Variants in CACNA2D3 observed in about 807,000 individuals in gnomAD.
The protein encoded by CACNA2D3 is voltage-dependent calcium channel subunit alpha-2/delta-3.
CACNA2D3 carries 60 observed loss-of-function variants against 160.6 expected under a neutral mutation model. The observed-to-expected ratio is 0.37, with a 90% confidence interval of 0.30 to 0.46. The LOEUF (loss-of-function observed/expected upper bound fraction) is 0.46, where lower values mean the gene tolerates loss of function less well. Ranked by LOEUF, CACNA2D3 falls within the 20% of genes least tolerant of loss-of-function variation. The probability of loss-of-function intolerance (pLI) is 1.00; values close to 1 mark genes in which losing one functional copy is unlikely to be tolerated. For synonymous variants in CACNA2D3, 558 were observed against 492.9 expected (o/e 1.13, Z -1.75); for missense variants, 1,205 against 1,365.0 (o/e 0.88, Z 1.85).
intron 24 of CACNA2D3, among the ~76,000 whole-genome samples, chr3:54,889,039 G>A (rs1699995334): frequency 6.6e-6 from 1 of 152,192 alleles, no homozygotes; most frequent in Non-Finnish European, 1.5e-5. Flanking sequence ...TTCAAGGTTT[G>A]GGCAGCATTC....
chr3:54,643,826 G>C (rs1699577786), intron 11 of CACNA2D3, among the ~76,000 whole-genome samples: 1 of 152,204 alleles, frequency 6.6e-6, no homozygotes. Context: ...TGCTAAGAGG[G>C]AGGCTCCAGT....
chr3:55,039,660 G>A (rs887597727), intron 35 of CACNA2D3, among the ~76,000 whole-genome samples: 24 of 152,118 alleles, frequency 1.6e-4, no homozygotes, highest in Admixed American at 5.9e-4. Flanking sequence ...GATATTACAG[G>A]CTTATTTTGT....
chr3:54,927,768 G>A, intron 27 of CACNA2D3: 1 of 930,948 alleles, frequency 1.1e-6, no homozygotes. Flanking sequence ...ATCATTCCAT[G>A]CAGAGACATT....
At chr3:54,997,023 G>C (rs1194767253) in intron 31 of CACNA2D3, among the ~76,000 whole-genome samples, 1 of 148,358 alleles carries the variant, frequency 6.7e-6, no homozygotes, top group Non-Finnish European at 1.5e-5. Context: ...GGCCTGTCAG[G>C]GGGTGGAGGA....
chr3:54,757,988 C>T (rs1311708395), intron 12 of CACNA2D3, among the ~76,000 whole-genome samples: 2 of 152,176 alleles, frequency 1.3e-5, no homozygotes, highest in African/African-American at 4.8e-5. Context: ...TTGAGGTAAT[C>T]TAGGAAAAGA....
chr3:54,553,364 G>A (rs1273275986), intron 5 of CACNA2D3, among the ~76,000 whole-genome samples: 1 of 152,190 alleles, frequency 6.6e-6, no homozygotes, highest in Non-Finnish European at 1.5e-5. Flanking sequence ...TTCTCGTCTT[G>A]AATTTGGTCC....
chr3:55,041,924 G>A (rs573155833), intron 35 of CACNA2D3, among the ~76,000 whole-genome samples: 45 of 152,090 alleles, frequency 3.0e-4, no homozygotes, highest in Admixed American at 2.9e-3. Flanking sequence ...ATTTAGAAGT[G>A]TGCCGCTTAA....
At chr3:54,286,361 A>G (rs1703026756) in intron 2 of CACNA2D3, among the ~76,000 whole-genome samples, 1 of 152,228 alleles carries the variant, frequency 6.6e-6, no homozygotes, top group African/African-American at 2.4e-5. Flanking sequence ...AAATGAAGTG[A>G]GAAGGGAAGT....
chr3:54,541,508 T>C (rs1237129143), intron 5 of CACNA2D3, among the ~76,000 whole-genome samples: 1 of 152,104 alleles, frequency 6.6e-6, no homozygotes, highest in Non-Finnish European at 1.5e-5. Flanking sequence ...ATGACTTTAC[T>C]CCAGGCTTCT....
Position 54,752,584 on chromosome 3 carries a change from T to G in CACNA2D3, c.1168-15T>G, listed in dbSNP as rs1362242715. On this transcript the variant is annotated splice_polypyrimidine_tract_variant and intron_variant, in intron 11 of 37. Transcript: ENST00000474759. ...AAGTGAATGCCGCTCAGCCATGCGT[T>G]TGTCTTCCCTTCAGGTTCGCATCTT... is the stretch of plus-strand genomic sequence containing the variant. 6.2e-7 allele frequency: 1 copy of G among 1,607,908 alleles called. No individual in the cohort carries two copies. The highest frequency in any genetic ancestry group is 1.7e-5 in the Admixed American group (1 of 59,918).
intron 25 of CACNA2D3, chr3:54,894,578 G>A: frequency 1.9e-6 from 1 of 513,594 alleles, no homozygotes; most frequent in Non-Finnish European, 3.9e-6. Flanking sequence ...TGCATAGACA[G>A]GGCACCTCTT....
chr3:54,520,863 T>C (rs1701637310), intron 5 of CACNA2D3, among the ~76,000 whole-genome samples: 1 of 152,238 alleles, frequency 6.6e-6, no homozygotes, highest in Non-Finnish European at 1.5e-5. Context: ...AATCATATTA[T>C]ATGTGAGCTT....
intron 35 of CACNA2D3, among the ~76,000 whole-genome samples, chr3:55,021,681 A>ATATATATATATGTG (rs1703457472): frequency 1.7e-5 from 1 of 58,392 alleles, no homozygotes; most frequent in African/African-American, 6.5e-5. Context: ...ATATATGTGT[A>ATATATATATATGTG]TATATATATA....
At chr3:54,298,180 G>A (rs910075171) in intron 2 of CACNA2D3, among the ~76,000 whole-genome samples, 2 of 152,180 alleles carry the variant, frequency 1.3e-5, no homozygotes, top group East Asian at 1.9e-4. Flanking sequence ...TGGATGAGTG[G>A]GAGTTGGCTA....
chr3:54,661,995 G>C (rs1304979215), intron 11 of CACNA2D3, among the ~76,000 whole-genome samples: 1 of 151,934 alleles, frequency 6.6e-6, no homozygotes, highest in South Asian at 2.1e-4. Context: ...TTTCCTTAAT[G>C]ACACCATCTT....
At chr3:54,291,254 T>C (rs963384327) in intron 2 of CACNA2D3, among the ~76,000 whole-genome samples, 6 of 152,136 alleles carry the variant, frequency 3.9e-5, no homozygotes, top group Non-Finnish European at 8.8e-5. Flanking sequence ...AAAATAAAAA[T>C]TCGTGTCTCC....
At position 55,054,832 on chromosome 3, in the gene CACNA2D3, G is replaced by A. The variant is rs78065287; in HGVS notation, c.2988-18613G>A. Among the ~76,000 whole-genome samples the A allele has an allele frequency of 6.9e-3, 1,053 of 152,078 alleles. 11 individuals carry two copies. The highest frequency in any genetic ancestry group is 0.024 in the African/African-American group (994 of 41,542). On this transcript the variant is annotated intron_variant, in intron 35 of 37. Coordinates refer to ENST00000474759, the MANE Select transcript of CACNA2D3 (RefSeq NM_018398.3). Reference sequence around the variant, plus strand: ...GTTATATTCTTCTAGAGAATGTTGAGTTTTATTGTAGCATGTGTTTAAATT... The same window carrying A: ...GTTATATTCTTCTAGAGAATGTTGAATTTTATTGTAGCATGTGTTTAAATT...
chr3:54,537,527 C>A (rs1459595973), intron 5 of CACNA2D3, among the ~76,000 whole-genome samples: 1 of 152,076 alleles, frequency 6.6e-6, no homozygotes, highest in Non-Finnish European at 1.5e-5. Flanking sequence ...TGTATCCAAA[C>A]AGAATAATGG....
intron 4 of CACNA2D3, among the ~76,000 whole-genome samples, chr3:54,460,041 C>T (rs1048593743): frequency 2.6e-5 from 4 of 151,938 alleles, no homozygotes; most frequent in Non-Finnish European, 5.9e-5. Context: ...ATCCTTTCCC[C>T]ATTGCTTGTT....
Sources: gnomAD v4.1 joint callset for allele counts (sites outside exome capture counted in the v4.1 genomes callset) on GRCh38, gnomAD v4.1.1 for gene constraint, MANE v1.5 for transcripts, NCBI Gene and HGNC (gene_info 2026-07-23, HGNC 2026-07-21) for gene names.